MAP3K13: variants seen among roughly 807,000 people sequenced by gnomAD.
MAP3K13 encodes the protein leucine zipper-bearing kinase.
MAP3K13 carries 52 observed loss-of-function variants against 104.0 expected under a neutral mutation model. The observed-to-expected ratio is 0.50, with a 90% confidence interval of 0.40 to 0.63. MAP3K13 has a LOEUF of 0.63. Ranked by LOEUF, MAP3K13 falls within the 20% of genes least tolerant of loss-of-function variation. MAP3K13 has a pLI of 0.00. For synonymous variants in MAP3K13, 394 were observed against 442.2 expected, an observed-to-expected ratio of 0.89 and a Z score of 1.37; for missense variants, 914 against 1,218.5, an observed-to-expected ratio of 0.75 and a Z score of 3.72.
intron 2 of MAP3K13, among the ~76,000 whole-genome samples, chr3:185,287,018 C>T (rs1720537516): frequency 6.6e-6 from 1 of 152,128 alleles, no homozygotes; most frequent in African/African-American, 2.4e-5. Flanking sequence ...TAGGGTTACA[C>T]AAATGAGTTA....
intron 1 of MAP3K13, among the ~76,000 whole-genome samples, chr3:185,395,486 GT>G (rs1388092396): frequency 9.4e-6 from 1 of 106,226 alleles, no homozygotes; most frequent in East Asian, 2.7e-4. Flanking sequence ...AGCCTCCCAA[GT>G]AGCTGGGACT....
intron 4 of MAP3K13, among the ~76,000 whole-genome samples, chr3:185,446,809 A>G (rs537041565): frequency 1.3e-5 from 2 of 152,368 alleles, no homozygotes; most frequent in East Asian, 3.9e-4. Flanking sequence ...TACTCTTTTT[A>G]GTGGCCTGGC....
At chr3:185,328,104 C>T (rs1231985563) in intron 2 of MAP3K13, among the ~76,000 whole-genome samples, 2 of 152,110 alleles carry the variant, frequency 1.3e-5, no homozygotes, top group Admixed American at 1.3e-4. Context: ...TTTTATCTTG[C>T]AAAGAATAGA....
chr3:185,377,998 TC>T (rs1350604482), intron 1 of MAP3K13, among the ~76,000 whole-genome samples: 8 of 150,464 alleles, frequency 5.3e-5, no homozygotes, highest in Non-Finnish European at 1.2e-4. Flanking sequence ...TGTAGCAAGC[TC>T]CTGGGGTGGG....
chr3:185,347,278 C>A (rs1175828746), intron 2 of MAP3K13, among the ~76,000 whole-genome samples: 1 of 152,256 alleles, frequency 6.6e-6, no homozygotes, highest in Middle Eastern at 3.4e-3. Flanking sequence ...AACCACTGCA[C>A]CTGGCCGAGA....
chr3:185,370,888 A>G (rs1461385053), intron 1 of MAP3K13, among the ~76,000 whole-genome samples: 2 of 152,072 alleles, frequency 1.3e-5, no homozygotes, highest in Non-Finnish European at 2.9e-5. Flanking sequence ...TAGTGCTCCT[A>G]ACAAAATTCA....
At chr3:185,304,709 G>A (rs999429675) in intron 2 of MAP3K13, among the ~76,000 whole-genome samples, 1 of 151,902 alleles carries the variant, frequency 6.6e-6, no homozygotes, top group African/African-American at 2.4e-5. Flanking sequence ...TCTTGGCTCA[G>A]TGCAACCTCT....
At chr3:185,408,240 C>T (rs1400523227) in intron 1 of MAP3K13, among the ~76,000 whole-genome samples, 1 of 152,036 alleles carries the variant, frequency 6.6e-6, no homozygotes, top group Admixed American at 6.5e-5. Flanking sequence ...TTGAAGCTTT[C>T]AGGGTCTTAT....
At chr3:185,361,511 C>T (rs968617299), upstream of MAP3K13, among the ~76,000 whole-genome samples, 9 of 152,018 alleles carry the variant, frequency 5.9e-5, no homozygotes, top group Admixed American at 1.3e-4. Flanking sequence ...CGCCATTCTC[C>T]TGCCTCAGCC....
intron 11 of MAP3K13, chr3:185,477,067 C>CA (rs1718172602): frequency 1.7e-6 from 1 of 600,278 alleles, no homozygotes; most frequent in Non-Finnish European, 3.1e-6. Context: ...ATAGAGCCAT[C>CA]ACCTCTCTGA....
intron 2 of MAP3K13, among the ~76,000 whole-genome samples, chr3:185,318,016 A>G (rs1042988256): frequency 6.6e-6 from 1 of 151,680 alleles, no homozygotes; most frequent in African/African-American, 2.4e-5. Context: ...ACATTAACCT[A>G]TCTGCTTTTA....
At chr3:185,443,126 A>G (rs1715415338) in intron 3 of MAP3K13, among the ~76,000 whole-genome samples, 1 of 152,188 alleles carries the variant, frequency 6.6e-6, no homozygotes, top group Admixed American at 6.5e-5. Context: ...CTAAAACAAC[A>G]CAGTATCCAG....
chr3:185,307,145 A>G (rs376466894), intron 2 of MAP3K13, among the ~76,000 whole-genome samples: 1 of 151,610 alleles, frequency 6.6e-6, no homozygotes, highest in South Asian at 2.1e-4. Flanking sequence ...GTTCGGTTAC[A>G]ATGTGTCTCT....
rs1715208547 is a variant in MAP3K13, at chr3:185,439,395, A to G, written c.659+1765A>G. Among the ~76,000 whole-genome samples, 4 of 152,004 alleles carry G rather than the reference A, an allele frequency of 2.6e-5. No homozygotes were observed. The South Asian group carries it at 8.3e-4, about 32-fold the overall frequency. On this transcript the variant is annotated intron_variant, in intron 3 of 13. Transcript: ENST00000265026. ...TCTTTCCAAAGAGGATAAATTTCAA[A>G]AGACAATGGGGAGATTATTTCAAGC...
intron 1 of MAP3K13, among the ~76,000 whole-genome samples, chr3:185,365,060 A>G (rs567059249): frequency 6.6e-6 from 1 of 152,328 alleles, no homozygotes; most frequent in Non-Finnish European, 1.5e-5. Flanking sequence ...TCTGTCTTTG[A>G]TGCACATTTT....
At position 185,473,263 on chromosome 3, in the gene MAP3K13, C is replaced by T. The variant is rs1307804080; in HGVS notation, c.1932C>T (p.Pro644=). The T allele has an allele frequency of 2.5e-6, 4 of 1,614,222 alleles. No individual in the cohort carries two copies. Among genetic ancestry groups the T allele is most frequent in the Non-Finnish European group, 1.7e-6 (2 of 1,180,034 alleles). The stretch of plus-strand genomic sequence containing the variant: ...CTCTGCAGCAGCAATACCAGCAGCC[C>T]CCTCCTGCCATGTCCCAGAGTCACC... ...HNSLQQQYQQ[P]PPAMSQSHHP... Residue 644 remains proline, a synonymous_variant, in exon 11 of 14, where the codon CCC becomes CCT. Transcript: ENST00000265026. The surrounding 1 kb of genome is among the most constrained non-coding windows in gnomAD (Gnocchi z 4.9).
At chr3:185,355,474 A>C (rs1179549245) in intron 2 of MAP3K13, among the ~76,000 whole-genome samples, 1 of 151,826 alleles carries the variant, frequency 6.6e-6, no homozygotes, top group Non-Finnish European at 1.5e-5. Flanking sequence ...CTCAAAAAAA[A>C]AAAAAAAAAA....
In MAP3K13 at chr3:185,418,192, A is replaced by G; in HGVS notation, c.-85-10305A>G. The G allele has an allele frequency of 6.2e-7, 1 of 1,610,772 alleles. No individual in the cohort carries two copies. Among genetic ancestry groups the G allele is most frequent in the Non-Finnish European group, 8.5e-7 (1 of 1,178,398 alleles). The stretch of plus-strand genomic sequence containing the variant: ...GCGCTGGATACGGCGACGGTTTCTC[A>G]TTTTGCCTTTGCCAGCTCTCATTCG... On this transcript the variant is annotated intron_variant, in intron 1 of 13. Transcript: ENST00000265026. This position sits in a 1 kb window ranked among gnomAD's most constrained non-coding sequence, Gnocchi z 4.5.
intron 2 of MAP3K13, chr3:185,291,728 C>T (rs1056120828): frequency 6.6e-7 from 1 of 1,508,250 alleles, no homozygotes; most frequent in African/African-American, 1.4e-5. Flanking sequence ...GTCTCATCTG[C>T]ATTAAAGCTC....
Sources: allele counts gnomAD v4.1 joint callset (sites outside exome capture counted in the v4.1 genomes callset), GRCh38; gene constraint gnomAD v4.1.1; non-coding constraint Gnocchi (gnomAD v3.1); transcripts MANE v1.5; gene names NCBI Gene and HGNC (gene_info 2026-07-23, HGNC 2026-07-21).